The following UTRN variants were observed in gnomAD, a reference collection of about 807,000 sequenced individuals.
UTRN encodes the protein dystrophin-related protein 1.
A neutral mutation model predicts 463.9 loss-of-function variants in UTRN; 283 were observed. That is an observed-to-expected ratio of 0.61 (90% CI 0.55 to 0.67). UTRN has a LOEUF of 0.67. UTRN is among the 30% of genes least tolerant of loss of function. The pLI, the probability that UTRN is intolerant of heterozygous loss-of-function variation, is 0.00. For missense variants in UTRN, 3,922 were observed against 4,084.3 expected (o/e 0.96, Z 1.08); for synonymous variants, 1,442 against 1,431.5 (o/e 1.01, Z -0.17).
At position 144,482,226 on chromosome 6, in the gene UTRN, G is replaced by A; in HGVS notation, c.3525G>A (p.Val1175=). Residue 1175 remains valine (V), a synonymous_variant, in exon 27 of 75, where the codon GTG becomes GTA. Transcript: ENST00000367545. ...TGGAACAGAGGGCAAAAGAGGATGT[G>A]TTGCAGAAGGAGGTGAGAGTGAAGA... is the stretch of plus-strand genomic sequence containing the variant. ...VEEMKRAKED[V]LQKEVRVKIL... 6.7e-7 allele frequency: 1 copy of A among 1,499,798 alleles called. No individual in the cohort carries two copies. The highest frequency in any genetic ancestry group is 1.4e-5 in the South Asian group (1 of 69,362). The allele number at this position is 1,499,798 out of a possible 1,614,324, so 92.9% of individuals were successfully genotyped here. A position where few individuals can be genotyped will look rare whatever the true frequency, so the allele number is the denominator to read the frequency against.
chr6:144,435,779 T>C lies in UTRN; in HGVS notation c.856-156T>C, dbSNP rs147836570. Among the ~76,000 whole-genome samples the C allele has an allele frequency of 2.3e-4, 35 of 152,366 alleles. 3 individuals carry two copies. The East Asian group carries it at 5.0e-3, about 22-fold the overall frequency. On this transcript the variant is annotated intron_variant, in intron 9 of 74. Transcript: ENST00000367545. ...CCCTAGTGCACTTACTCAATGCTTCTAACTCATTCATGGCAGTGCCCATTT... is the reference window on the plus strand; with the variant it reads ...CCCTAGTGCACTTACTCAATGCTTCCAACTCATTCATGGCAGTGCCCATTT...
intron 69 of UTRN, among the ~76,000 whole-genome samples, chr6:144,833,514 G>GTCTT (rs1170898846): frequency 6.6e-6 from 1 of 152,130 alleles, no homozygotes; most frequent in African/African-American, 2.4e-5. Context: ...TGGGTACTCT[G>GTCTT]TCTTTATAGT....
At position 144,438,094 on chromosome 6, in the gene UTRN, C is replaced by T. The variant is rs142127991; in HGVS notation, c.1241+348C>T. On this transcript the variant is annotated intron_variant, in intron 11 of 74. Transcript: ENST00000367545. ...CAGCCTGGGCGACATGGCGAAACTC[C>T]GTCTCTACTAAAAATACAAAAATTA... 6.6e-5 allele frequency among the ~76,000 whole-genome samples: 10 copies of T among 152,168 alleles called. 1 individual carries two copies. The South Asian group carries it at 8.3e-4, about 13-fold the overall frequency.
intron 51 of UTRN, among the ~76,000 whole-genome samples, chr6:144,675,796 G>C (rs1273879413): frequency 6.6e-6 from 1 of 152,084 alleles, no homozygotes; most frequent in Non-Finnish European, 1.5e-5. Context: ...GGTTTTCCTG[G>C]TATGTTCCTG....
intron 50 of UTRN, among the ~76,000 whole-genome samples, chr6:144,561,253 ATATATATACAT>A: frequency 2.2e-5 from 2 of 89,754 alleles, no homozygotes; most frequent in Non-Finnish European, 5.0e-5. Flanking sequence ...ATATATATAT[ATATATATACAT>A]ACACACACAC....
At chr6:144,522,667 C>A (rs1796208771) in intron 40 of UTRN, among the ~76,000 whole-genome samples, 1 of 152,116 alleles carries the variant, frequency 6.6e-6, no homozygotes, top group South Asian at 2.1e-4. Flanking sequence ...GTGCATTCCT[C>A]TCATTTAAAC....
intron 23 of UTRN, among the ~76,000 whole-genome samples, chr6:144,464,609 T>C (rs1584892432): frequency 1.3e-5 from 2 of 152,072 alleles, no homozygotes; most frequent in African/African-American, 4.8e-5. Flanking sequence ...CAAGCAGTTC[T>C]CCTGCCTCAG....
In UTRN at chr6:144,639,109, G is replaced by A. The variant is rs148490148; in HGVS notation, c.7480-39297G>A. Among the ~76,000 whole-genome samples, 523 of 152,084 alleles carry A rather than the reference G, an allele frequency of 3.4e-3. 2 individuals carry two copies. The highest frequency in any genetic ancestry group is 0.012 in the African/African-American group (492 of 41,504). ...AATAATAAAAATAAAAGAAAAGGAA[G>A]GCAATGATGTTCTGCATCAGTGACA... On this transcript the variant is annotated intron_variant, in intron 51 of 74. Coordinates refer to ENST00000367545, the MANE Select transcript of UTRN (RefSeq NM_007124.3).
At chr6:144,310,185 C>A (rs985848382) in intron 2 of UTRN, among the ~76,000 whole-genome samples, 8 of 152,220 alleles carry the variant, frequency 5.3e-5, no homozygotes, top group African/African-American at 1.9e-4. Context: ...TCACATTTTT[C>A]ATTGCTTTCC....
At chr6:144,846,450 A>G (rs989048763) in intron 73 of UTRN, among the ~76,000 whole-genome samples, 2 of 152,228 alleles carry the variant, frequency 1.3e-5, no homozygotes, top group Admixed American at 1.3e-4. Context: ...ATTAGTACTC[A>G]GCAAAGTAAG....
intron 6 of UTRN, 109 bp downstream of exon 6, chr6:144,424,187 A>G: frequency 8.3e-7 from 1 of 1,204,404 alleles, no homozygotes; most frequent in Non-Finnish European, 1.2e-6. Flanking sequence ...GGCTTGAACA[A>G]CAGAAATTTG....
chr6:144,532,725 A>G (rs1313023658), intron 42 of UTRN, among the ~76,000 whole-genome samples: 1 of 152,202 alleles, frequency 6.6e-6, no homozygotes, highest in Non-Finnish European at 1.5e-5. Context: ...TTTTAAAGCA[A>G]TGCCTTCAAG....
intron 2 of UTRN, among the ~76,000 whole-genome samples, chr6:144,302,514 A>AAAAAAAAAAAAAAC (rs1414124736): frequency 6.6e-6 from 1 of 152,106 alleles, no homozygotes; most frequent in Non-Finnish European, 1.5e-5. Context: ...TGTCTCAAAA[A>AAAAAAAAAAAAAAC]AAAAGACTTG....
intron 2 of UTRN, among the ~76,000 whole-genome samples, chr6:144,358,651 T>G (rs1778780607): frequency 6.6e-6 from 1 of 152,182 alleles, no homozygotes; most frequent in Non-Finnish European, 1.5e-5. Context: ...TCTTTAGTTT[T>G]TTGAGATGGG....
chr6:144,744,399 A>G (rs949323178), intron 54 of UTRN, among the ~76,000 whole-genome samples: 3 of 142,388 alleles, frequency 2.1e-5, no homozygotes, highest in African/African-American at 7.5e-5. Flanking sequence ...TGTATAATAT[A>G]TACATAATTT....
intron 51 of UTRN, among the ~76,000 whole-genome samples, chr6:144,658,480 G>A (rs566863646): frequency 6.6e-5 from 10 of 152,200 alleles, no homozygotes; most frequent in South Asian, 4.1e-4. Context: ...AAGTGCTAAC[G>A]GTATTGATAT....
intron 51 of UTRN, chr6:144,660,233 T>C: frequency 2.1e-6 from 1 of 471,218 alleles, no homozygotes; most frequent in Middle Eastern, 3.2e-4. Context: ...CAATGATTGG[T>C]CTGAACTTCA....
intron 53 of UTRN, among the ~76,000 whole-genome samples, chr6:144,719,997 G>C (rs973638418): frequency 6.6e-6 from 1 of 152,228 alleles, no homozygotes; most frequent in African/African-American, 2.4e-5. Flanking sequence ...ACACCCACAT[G>C]TTTGCTTTTC....
intron 34 of UTRN, among the ~76,000 whole-genome samples, chr6:144,503,887 T>A (rs1170509081): frequency 1.3e-5 from 2 of 152,166 alleles, no homozygotes; most frequent in Non-Finnish European, 2.9e-5. Context: ...GCATGGAATG[T>A]TTTTCCATTT....
Sources: gnomAD v4.1 joint callset for allele counts (sites outside exome capture counted in the v4.1 genomes callset) on GRCh38, gnomAD v4.1.1 for gene constraint, MANE v1.5 for transcripts, NCBI Gene and HGNC (gene_info 2026-07-23, HGNC 2026-07-21) for gene names.